SHANK1: variants seen among roughly 807,000 people sequenced by gnomAD.
SHANK1 encodes SH3 and multiple ankyrin repeat domains protein 1.
SHANK1 carries 35 observed loss-of-function variants against 165.6 expected under a neutral mutation model. The ratio of observed to expected loss-of-function variants is 0.21; its 90% CI spans 0.16 to 0.28. The LOEUF is 0.28. Among genes scored for constraint, SHANK1 ranks in the 10% least tolerant of loss-of-function variants. The pLI, the probability that SHANK1 is intolerant of heterozygous loss-of-function variation, is 1.00. For missense variants in SHANK1, 2,681 were observed against 3,036.4 expected (o/e 0.88, Z 2.75); for synonymous variants, 1,428 against 1,384.8 (o/e 1.03, Z -0.69).
Position 50,668,082 on chromosome 19 carries a change from A to G in SHANK1, c.3878T>C (p.Phe1293Ser). ...RHSKSIDEGMFSAEPYLRLES... is the reference protein window; with the variant it reads ...RHSKSIDEGMSSAEPYLRLES... Reference sequence around the variant, plus strand: ...CAGTCGGAGGTAGGGCTCGGCGGAGAACATGCCCTCGTCGATGGATTTGGA... The same window carrying G: ...CAGTCGGAGGTAGGGCTCGGCGGAGGACATGCCCTCGTCGATGGATTTGGA... Residue 1293 changes from phenylalanine (F) to serine (S), a missense_variant, in exon 23 of 24, where the codon TTC becomes TCC. Around this residue, in one of 10 missense-constraint regions of SHANK1, gnomAD observed 1,713 missense variants for 1,630.2 expected, o/e 1.05. Transcript: ENST00000293441. 1 of 1,480,880 alleles carries G rather than the reference A, an allele frequency of 6.8e-7. No homozygotes were observed. 91.7% of individuals were successfully genotyped at this position (1,480,880 alleles called of 1,614,324 possible).
chr19:50,703,421 T>C, intron 11 of SHANK1, 79 bp downstream of exon 11: 4 of 1,252,428 alleles, frequency 3.2e-6, no homozygotes, highest in Admixed American at 4.4e-5. Flanking sequence ...GCAGCTGGGC[T>C]GGCCTCGGGG....
chr19:50,714,411 T>G, intron 4 of SHANK1, 121 bp from the exon 5 acceptor site: 1 of 787,880 alleles, frequency 1.3e-6, no homozygotes, highest in Non-Finnish European at 2.0e-6. Flanking sequence ...TTGAAAAGCT[T>G]CTAGCAGCCT....
intron 21 of SHANK1, among the ~76,000 whole-genome samples, chr19:50,680,841 C>T (rs1986156029): frequency 2.6e-5 from 4 of 152,046 alleles, no homozygotes; most frequent in African/African-American, 7.2e-5. Context: ...GTTTTAGTAG[C>T]GACGGGGTTT....
Position 50,718,766 on chromosome 19 carries a change from A to G in SHANK1, c.-44+640T>C, listed in dbSNP as rs1337576570. On this transcript the variant is annotated intron_variant, in intron 1 of 23. Coordinates refer to ENST00000293441, the MANE Select transcript of SHANK1 (RefSeq NM_016148.5). This position sits in a 1 kb window ranked among gnomAD's most constrained non-coding sequence, Gnocchi z 5.1. ...GGGAGGGGCGGGGAGAGAGAGCCGG[A>G]GCCGAGGCTGGGAAACTGGTGGGGG... 8.2e-6 allele frequency among the ~76,000 whole-genome samples: 1 copy of G among 122,238 alleles called. No individual in the cohort carries two copies. The highest frequency in any genetic ancestry group is 3.2e-5 in the African/African-American group (1 of 31,426). 80.2% of individuals were successfully genotyped at this position (122,238 alleles called of 152,430 possible). A position where few individuals can be genotyped will look rare whatever the true frequency, so the allele number is the denominator to read the frequency against.
intron 8 of SHANK1, among the ~76,000 whole-genome samples, chr19:50,704,998 T>G (rs2088920865): frequency 6.6e-6 from 1 of 151,264 alleles, no homozygotes; most frequent in African/African-American, 2.4e-5. Flanking sequence ...GAGGCTGCAG[T>G]GAGCTGAGAT....
chr19:50,709,288 G>A lies in SHANK1; in HGVS notation c.1077+2083C>T, dbSNP rs142142286. Among the ~76,000 whole-genome samples the A allele has an allele frequency of 4.7e-3, 716 of 152,114 alleles. 7 individuals carry two copies. Among genetic ancestry groups the A allele is most frequent in the African/African-American group, 0.016 (678 of 41,478 alleles). On this transcript the variant is annotated intron_variant, in intron 8 of 23. Transcript: ENST00000293441. ...CGAGTAGCTGGGACTACAGGCGCCCGCCACCACGCCTGGCTAACTTTTTTT... is the reference window on the plus strand; with the variant it reads ...CGAGTAGCTGGGACTACAGGCGCCCACCACCACGCCTGGCTAACTTTTTTT...
chr19:50,687,696 T>C (rs904815320), intron 18 of SHANK1, 34 bp from the exon 19 acceptor site: 3 of 1,450,602 alleles, frequency 2.1e-6, no homozygotes, highest in East Asian at 2.5e-5. Context: ...ATCAGTATCA[T>C]GGGGGAGATG....
At chr19:50,706,806 T>C (rs2088943599) in intron 8 of SHANK1, among the ~76,000 whole-genome samples, 1 of 152,054 alleles carries the variant, frequency 6.6e-6, no homozygotes, top group African/African-American at 2.4e-5. Flanking sequence ...AGATGGAGTT[T>C]CGCTCTTGTC....
chr19:50,713,372 G>A lies in SHANK1; in HGVS notation c.792+426C>T, dbSNP rs572512347. The stretch of plus-strand genomic sequence containing the variant: ...TGTGAGAGAGGAGGGAGGGGAGCTG[G>A]TGCAGTGCTGGTTTGGAAGGGTAGC... On this transcript the variant is annotated intron_variant, in intron 6 of 23. Transcript: ENST00000293441. This position sits in a 1 kb window ranked among gnomAD's most constrained non-coding sequence, Gnocchi z 6.2. 1.8e-4 allele frequency among the ~76,000 whole-genome samples: 27 copies of A among 152,038 alleles called. No homozygotes were observed. Among genetic ancestry groups the A allele is most frequent in the Admixed American group, 5.9e-4 (9 of 15,272 alleles).
At chr19:50,669,410 C>T (rs1290365531) in intron 22 of SHANK1, 125 bp from the exon 23 acceptor site, 2 of 667,264 alleles carry the variant, frequency 3.0e-6, no homozygotes, top group African/African-American at 1.8e-5. Context: ...AGGAACTTCA[C>T]GTGGACTCGC....
In SHANK1 at chr19:50,716,882, C is replaced by T. The variant is rs530590955; in HGVS notation, c.38G>A (p.Arg13His). Reference protein sequence around the residue: ...HSPATSEDEERHSASECPEGG... With the variant: ...HSPATSEDEEHHSASECPEGG... ...CTCGGGACACTCGCTGGCACTGTGGCGTTCCTCGTCCTCGCTTGTCGCGGG... is the reference window on the plus strand; with the variant it reads ...CTCGGGACACTCGCTGGCACTGTGGTGTTCCTCGTCCTCGCTTGTCGCGGG... The change falls in exon 2 of 24, where the codon CGC (arginine) becomes CAC (histidine). Residue 13 changes from arginine (R) to histidine (H), a missense_variant. Coordinates refer to ENST00000293441, the MANE Select transcript of SHANK1 (RefSeq NM_016148.5). This position sits in a 1 kb window ranked among gnomAD's most constrained non-coding sequence, Gnocchi z 8.4. 67 of 1,476,236 alleles carry T rather than the reference C, an allele frequency of 4.5e-5. No individual in the cohort carries two copies. Among genetic ancestry groups the T allele is most frequent in the South Asian group, 4.4e-4 (32 of 72,032 alleles). The allele number at this position is 1,476,236 out of a possible 1,614,324, so 91.4% of individuals were successfully genotyped here. A position where few individuals can be genotyped will look rare whatever the true frequency, so the allele number is the denominator to read the frequency against.
chr19:50,668,903 G>C lies in SHANK1; in HGVS notation c.3057C>G (p.His1019Gln). The change falls in exon 23 of 24, where the codon CAC becomes CAG. Residue 1019 changes from histidine (H) to glutamine (Q), a missense_variant. Physicochemically the swap from His to Gln is conservative, Grantham distance 24 (BLOSUM62 0). This residue lies in a region of SHANK1 where 1,713 missense variants were observed against 1,630.2 expected (regional missense o/e 1.05). Coordinates refer to ENST00000293441, the MANE Select transcript of SHANK1 (RefSeq NM_016148.5). ...TCTCCATCTCGGGAGGATGAGGGGG[G>C]TGGGCGTGGTGGTGGTGGGGCTGAG... The part of the protein sequence containing the change: ...PPPQPHHHHA[H>Q]PPHPPEMETG... 7.7e-7 allele frequency: 1 copy of C among 1,292,994 alleles called. No homozygotes were observed. The highest frequency in any genetic ancestry group is 9.9e-7 in the Non-Finnish European group (1 of 1,013,502). 80.1% of individuals were successfully genotyped at this position (1,292,994 alleles called of 1,614,324 possible).
At chr19:50,695,481 G>C (rs956682023) in intron 15 of SHANK1, among the ~76,000 whole-genome samples, 3 of 150,774 alleles carry the variant, frequency 2.0e-5, no homozygotes, top group East Asian at 4.0e-4. Context: ...AGGCTTGGAG[G>C]GGGGAGGAGA....
At chr19:50,664,075 G>C (rs1000797490) in intron 23 of SHANK1, among the ~76,000 whole-genome samples, 13 of 150,072 alleles carry the variant, frequency 8.7e-5, no homozygotes, top group African/African-American at 3.2e-4. Flanking sequence ...GAGTAGCTGG[G>C]ACTACAGAGG....
At position 50,662,779 on chromosome 19, in the gene SHANK1, A is replaced by C; in HGVS notation, c.5769-97T>G. The C allele has an allele frequency of 2.2e-6, 3 of 1,338,130 alleles. No individual in the cohort carries two copies. Among genetic ancestry groups the C allele is most frequent in the Non-Finnish European group, 3.1e-6 (3 of 967,694 alleles). The allele number at this position is 1,338,130 out of a possible 1,614,324, so 82.9% of individuals were successfully genotyped here. On this transcript the variant is annotated intron_variant, in intron 23 of 23. Coordinates refer to ENST00000293441, the MANE Select transcript of SHANK1 (RefSeq NM_016148.5). This position sits in a 1 kb window ranked among gnomAD's most constrained non-coding sequence, Gnocchi z 7.7. Reference sequence around the variant, plus strand: ...AGAGGTCAAGATATAGGGAGAGAGGAGGAGAGACATAAGGGTAGGGGGAGA... The same window carrying C: ...AGAGGTCAAGATATAGGGAGAGAGGCGGAGAGACATAAGGGTAGGGGGAGA...
chr19:50,686,947 T>C lies in SHANK1; in HGVS notation c.2390-135A>G. The C allele has an allele frequency of 7.6e-7, 1 of 1,308,120 alleles. No homozygotes were observed. The highest frequency in any genetic ancestry group is 1.0e-6 in the Non-Finnish European group (1 of 980,148). The allele number at this position is 1,308,120 out of a possible 1,614,324, so 81.0% of individuals were successfully genotyped here. ...CGAGAGGGGCAGTGAGGGGCCGGGG[T>C]CAGGGAGGGGCGAGTCCGCCGGCGG... On this transcript the variant is annotated intron_variant, in intron 19 of 23. Transcript: ENST00000293441. This position sits in a 1 kb window ranked among gnomAD's most constrained non-coding sequence, Gnocchi z 5.7.
In SHANK1 at chr19:50,704,502, T is replaced by G; in HGVS notation, c.1090A>C (p.Arg364=). The G allele has an allele frequency of 6.2e-7, 1 of 1,614,120 alleles. No individual in the cohort carries two copies. The highest frequency in any genetic ancestry group is 8.5e-7 in the Non-Finnish European group (1 of 1,180,010). The change falls in exon 9 of 24, where the codon AGG becomes CGG. Residue 364 remains arginine (R), a synonymous_variant. Coordinates refer to ENST00000293441, the MANE Select transcript of SHANK1 (RefSeq NM_016148.5). ...TCGGCACCTCGATACAGGAGGATCC[T>G]GGCACAGGTCTCCTGCGGGTAATGG... is the stretch of plus-strand genomic sequence containing the variant. ...CALYNKETCA[R]ILLYRGADKD...
chr19:50,668,577 G>A lies in SHANK1; in HGVS notation c.3383C>T (p.Pro1128Leu). 1.5e-6 allele frequency: 2 copies of A among 1,342,116 alleles called. No individual in the cohort carries two copies. The highest frequency in any genetic ancestry group is 4.0e-5 in the South Asian group (2 of 50,022). The allele number at this position is 1,342,116 out of a possible 1,614,324, so 83.1% of individuals were successfully genotyped here. ...GEPQKGGGLP[P>L]APSPTSPASP... ...GGCCGGGGACGTGGGCGACGGCGCG[G>A]GCGGGAGGCCGCCGCCCTTCTGGGG... The change falls in exon 23 of 24, where the codon CCC becomes CTC. Residue 1128 changes from proline to leucine, a missense_variant. Coordinates refer to ENST00000293441, the MANE Select transcript of SHANK1 (RefSeq NM_016148.5).
chr19:50,675,158 G>A (rs1253468281), intron 21 of SHANK1, among the ~76,000 whole-genome samples: 1 of 151,474 alleles, frequency 6.6e-6, no homozygotes, highest in African/African-American at 2.4e-5. Context: ...TCACCTGAGT[G>A]CAAGAGTTCA....
Sources: gnomAD v4.1 joint callset for allele counts (sites outside exome capture counted in the v4.1 genomes callset) on GRCh38, gnomAD v4.1.1 for gene constraint, gnomAD v4.1.1 regional missense constraint, Gnocchi (gnomAD v3.1) non-coding constraint, MANE v1.5 for transcripts, NCBI Gene and HGNC (gene_info 2026-07-23, HGNC 2026-07-21) for gene names.